EIF4A1: variants seen among roughly 807,000 people sequenced by gnomAD.
EIF4A1 encodes the protein eukaryotic translation initiation factor 4A1.
A neutral mutation model predicts 53.5 loss-of-function variants in EIF4A1; 11 were observed. The observed-to-expected ratio is 0.21, with a 90% confidence interval of 0.13 to 0.34. The LOEUF (loss-of-function observed/expected upper bound fraction) is 0.34, where lower values mean the gene tolerates loss of function less well. EIF4A1 is among the 10% of genes least tolerant of loss of function. The pLI, the probability that EIF4A1 is intolerant of heterozygous loss-of-function variation, is 1.00. For synonymous variants in EIF4A1, 237 were observed against 186.7 expected (o/e 1.27, Z -2.20); for missense variants, 213 against 530.8 (o/e 0.40, Z 5.88).
At chr17:7,576,935 T>A (rs1453119268) in intron 5 of EIF4A1, 121 bp from the exon 6 acceptor site, 2 of 1,364,884 alleles carry the variant, frequency 1.5e-6, no homozygotes, top group Non-Finnish European at 2.1e-6. Flanking sequence ...AAAGGATCAG[T>A]CTTTGTACTC....
At chr17:7,576,469 A>AT (rs2150926303) in intron 4 of EIF4A1, 55 bp from the exon 5 acceptor site, 10 of 1,485,306 alleles carry the variant, frequency 6.7e-6, no homozygotes, top group Non-Finnish European at 8.9e-6. Flanking sequence ...ACATTTAAGA[A>AT]TGGTGCCGGG....
Position 7,577,233 on chromosome 17 carries a change from C to G in EIF4A1, c.624+68C>G. ...TAGTAAGTGCCAGGGGAACCATATA[C>G]TGGATTCTTGAGCCTTTTTATGCAT... On this transcript the variant is annotated intron_variant, in intron 6 of 10. Coordinates refer to ENST00000293831, the MANE Select transcript of EIF4A1 (RefSeq NM_001416.4). The surrounding 1 kb of genome is among the most constrained non-coding windows in gnomAD (Gnocchi z 4.7). The G allele has an allele frequency of 1.3e-6, 2 of 1,567,698 alleles. No homozygotes were observed. The highest frequency in any genetic ancestry group is 1.2e-5 in the South Asian group (1 of 82,344).
chr17:7,576,860 C>A, intron 5 of EIF4A1, 168 bp downstream of exon 5: 1 of 1,384,762 alleles, frequency 7.2e-7, no homozygotes, highest in East Asian at 2.3e-5. Context: ...GCTTCCCTGC[C>A]AGTGCAGCCC....
chr17:7,576,497 T>A (rs754074943), intron 4 of EIF4A1, 27 bp from the exon 5 acceptor site: 2 of 1,535,918 alleles, frequency 1.3e-6, no homozygotes, highest in East Asian at 2.3e-5. Flanking sequence ...GTAACTGACA[T>A]ATGAGCACCT....
chr17:7,576,738 G>A (rs2071406425), intron 5 of EIF4A1, 46 bp downstream of exon 5: 2 of 1,570,416 alleles, frequency 1.3e-6, no homozygotes, highest in Non-Finnish European at 1.7e-6. Flanking sequence ...TTGCTCTTGT[G>A]CACGCTTTCC....
At chr17:7,574,926 A>G (rs926263275) in intron 3 of EIF4A1, 193 bp from the exon 4 acceptor site, 5 of 1,008,464 alleles carry the variant, frequency 5.0e-6, no homozygotes, top group East Asian at 2.4e-5. Flanking sequence ...TTGGTGTGCA[A>G]TACTAGATGA....
chr17:7,574,843 CAT>C, intron 3 of EIF4A1, 165 bp downstream of exon 3: 2 of 1,229,132 alleles, frequency 1.6e-6, no homozygotes, highest in Middle Eastern at 2.7e-4. Flanking sequence ...GCCTTGGACA[CAT>C]AGGTTTCCTT....
At chr17:7,574,892 C>A in intron 3 of EIF4A1, 1 of 1,044,038 alleles carries the variant, frequency 9.6e-7, no homozygotes, top group Non-Finnish European at 1.5e-6. Flanking sequence ...ATATTTGCAT[C>A]TACAGCCATG....
intron 4 of EIF4A1, 126 bp downstream of exon 4, chr17:7,575,384 G>A: frequency 2.3e-6 from 3 of 1,330,490 alleles, no homozygotes; most frequent in Non-Finnish European, 3.2e-6. Context: ...ACACTCTCGA[G>A]ACCTGCTGGG....
chr17:7,572,955 G>T (rs921570696), intron 1 of EIF4A1, 91 bp downstream of exon 1: 10 of 1,611,670 alleles, frequency 6.2e-6, no homozygotes, highest in Non-Finnish European at 8.5e-6. Flanking sequence ...GCCCACCAGG[G>T]TTGCGGGAGA....
chr17:7,577,160 A>G lies in EIF4A1; in HGVS notation c.619A>G (p.Thr207Ala), dbSNP rs1441111653. 6.3e-7 allele frequency: 1 copy of G among 1,599,626 alleles called. No individual in the cohort carries two copies. The highest frequency in any genetic ancestry group is 8.5e-7 in the Non-Finnish European group (1 of 1,174,742). The change falls in exon 6 of 11, where the codon ACC (threonine) becomes GCC (alanine). Residue 207 changes from threonine (T) to alanine (A), a missense_variant. Thr to Ala is a moderately conservative substitution (Grantham distance 58). This residue lies in a region of EIF4A1 where 119 missense variants were observed against 351.0 expected (regional missense o/e 0.34). Coordinates refer to ENST00000293831, the MANE Select transcript of EIF4A1 (RefSeq NM_001416.4). This position sits in a 1 kb window ranked among gnomAD's most constrained non-coding sequence, Gnocchi z 4.7. ...YDIFQKLNSNTQVVLLSATMP... is the reference protein window; with the variant it reads ...YDIFQKLNSNAQVVLLSATMP... Reference sequence around the variant, plus strand: ...CATATTCCAAAAGCTCAACAGCAACACCCAGGTGAGGGCAGTCTTGCTTGA... The same window carrying G: ...CATATTCCAAAAGCTCAACAGCAACGCCCAGGTGAGGGCAGTCTTGCTTGA...
chr17:7,576,821 G>A, intron 5 of EIF4A1, 129 bp downstream of exon 5: 3 of 1,500,630 alleles, frequency 2.0e-6, no homozygotes, highest in African/African-American at 1.4e-5. Flanking sequence ...GCTCTGTGAT[G>A]GAGCCCATGC....
chr17:7,575,342 C>G (rs751289125), intron 4 of EIF4A1, 84 bp downstream of exon 4: 1 of 1,591,074 alleles, frequency 6.3e-7, no homozygotes, highest in Non-Finnish European at 8.6e-7. Context: ...CTTCTCTGAT[C>G]ACCACCTTGG....
rs1050166349 is a variant in EIF4A1 at position 7,578,712 on chromosome 17, A to AC, written c.*226_*227insC. Reference sequence around the variant, plus strand: ...CCGGCTCTTCTCCCAAAAAAAAAAAAAAAACACTAATCCATTTCCCTAACC... The same window carrying AC: ...CCGGCTCTTCTCCCAAAAAAAAAAAACAAAACACTAATCCATTTCCCTAACC... On this transcript the variant is annotated 3_prime_UTR_variant, in exon 11 of 11. Coordinates refer to ENST00000293831, the MANE Select transcript of EIF4A1 (RefSeq NM_001416.4). The AC allele has an allele frequency of 1.7e-5, 7 of 409,954 alleles. No homozygotes were observed. The highest frequency in any genetic ancestry group is 8.1e-5 in the East Asian group (2 of 24,758). The allele number at this position is 409,954 out of a possible 1,614,324, so 25.4% of individuals were successfully genotyped here. A position where few individuals can be genotyped will look rare whatever the true frequency, so the allele number is the denominator to read the frequency against.
At chr17:7,574,382 G>A in intron 2 of EIF4A1, 74 bp downstream of exon 2, 1 of 1,610,782 alleles carries the variant, frequency 6.2e-7, no homozygotes, top group Non-Finnish European at 8.5e-7. Context: ...GTGGCCTCTT[G>A]ATTGATTTCC....
intron 3 of EIF4A1, 78 bp from the exon 4 acceptor site, chr17:7,575,041 T>C: frequency 6.4e-7 from 1 of 1,572,388 alleles, no homozygotes; most frequent in Non-Finnish European, 8.7e-7. Flanking sequence ...GGTTGCTTAT[T>C]GACCTCATTA....
At chr17:7,576,256 AAAGAAACTG>A (rs2071400298) in intron 4 of EIF4A1, 2 of 346,964 alleles carry the variant, frequency 5.8e-6, no homozygotes, top group African/African-American at 4.2e-5. Context: ...TATCTAGAGT[AAAGAAACTG>A]AATTAATTAT....
chr17:7,574,016 T>C, intron 1 of EIF4A1: 1 of 527,640 alleles, frequency 1.9e-6, no homozygotes, highest in Non-Finnish European at 3.4e-6. Flanking sequence ...CCTGCCGGCC[T>C]GTCTTCAGAA....
intron 1 of EIF4A1, chr17:7,573,326 A>T: frequency 4.5e-6 from 1 of 220,708 alleles, no homozygotes; most frequent in Admixed American, 5.4e-5. Context: ...AGATCCAGTC[A>T]CTTCGTCGCG....
Sources: allele counts gnomAD v4.1 joint callset, GRCh38; gene constraint gnomAD v4.1.1; regional missense constraint gnomAD v4.1.1; non-coding constraint Gnocchi (gnomAD v3.1); transcripts MANE v1.5; gene names NCBI Gene and HGNC (gene_info 2026-07-23, HGNC 2026-07-21).